TCP11: variants seen among roughly 807,000 people sequenced by gnomAD.
The protein encoded by TCP11 is t-complex 11, also known as T-complex protein 11 homolog.
Under a neutral mutation model 45.0 loss-of-function variants are expected in TCP11, and 34 were observed. That is an observed-to-expected ratio of 0.76 (90% CI 0.57 to 1.01). The LOEUF (loss-of-function observed/expected upper bound fraction) is 1.01. TCP11 is among the 50% of genes least tolerant of loss of function. The probability of loss-of-function intolerance (pLI) is 0.00; values close to 1 mark genes in which losing one functional copy is unlikely to be tolerated. For missense variants in TCP11, 523 were observed against 598.1 expected (o/e 0.87, Z 1.31); for synonymous variants, 227 against 227.0 (o/e 1.00, Z 0.00).
chr6:35,132,095 T>A (rs1393496831), intron 3 of TCP11, among the ~76,000 whole-genome samples: 2 of 152,268 alleles, frequency 1.3e-5, no homozygotes, highest in East Asian at 3.8e-4. Flanking sequence ...AAATGGCTTA[T>A]GTTACCTTAT....
chr6:35,131,692 T>A (rs765703735), intron 3 of TCP11, among the ~76,000 whole-genome samples: 1 of 152,084 alleles, frequency 6.6e-6, no homozygotes, highest in Non-Finnish European at 1.5e-5. Context: ...CGGAACAGGG[T>A]CCATACTGTA....
At chr6:35,119,445 C>A (rs926695508) in intron 8 of TCP11, 54 bp from the exon 9 acceptor site, 1 of 1,591,758 alleles carries the variant, frequency 6.3e-7, no homozygotes. Context: ...TGGCATAGGC[C>A]CAGGGCCCAG....
At chr6:35,135,184 G>C (rs993095675) in intron 3 of TCP11, among the ~76,000 whole-genome samples, 1 of 151,454 alleles carries the variant, frequency 6.6e-6, no homozygotes, top group African/African-American at 2.4e-5. Flanking sequence ...GAAACAATGG[G>C]ATGTCACTTC....
chr6:35,130,602 G>A (rs1180861482), intron 3 of TCP11, among the ~76,000 whole-genome samples: 2 of 151,762 alleles, frequency 1.3e-5, no homozygotes, highest in Non-Finnish European at 2.9e-5. Context: ...ATGAGAAGAC[G>A]CTCAACATCA....
At position 35,120,326 on chromosome 6, in the gene TCP11, G is replaced by C; in HGVS notation, c.948C>G (p.Asp316Glu). Reference protein sequence around the residue: ...NEEFPETLLMDRTRLQELKSQ... With the variant: ...NEEFPETLLMERTRLQELKSQ... The stretch of plus-strand genomic sequence containing the variant: ...ACTTCAGCTCCTGCAGCCGGGTTCT[G>C]TCCATCAGCAGGGTCTGGGAACCAG... The change falls in exon 8 of 10, where the codon GAC (aspartate) becomes GAG (glutamate). Residue 316 changes from aspartate to glutamate, a missense_variant. Physicochemically the swap from Asp to Glu is conservative, Grantham distance 45 (BLOSUM62 2). Transcript: ENST00000311875. This position sits in a 1 kb window ranked among gnomAD's most constrained non-coding sequence, Gnocchi z 4.9. 6.2e-7 allele frequency: 1 copy of C among 1,613,834 alleles called. No individual in the cohort carries two copies. Among genetic ancestry groups the C allele is most frequent in the South Asian group, 1.1e-5 (1 of 91,036 alleles).
At position 35,136,105 on chromosome 6, in the gene TCP11, A is replaced by AC; in HGVS notation, c.236+1dup. ...ACATGAAGAAAGAAGAAGAGTCTAT[A>AC]CCTGCTTGGAGGTAAAACCTTCTCT... On this transcript the variant is annotated splice_donor_variant, in intron 3 of 9. Coordinates refer to ENST00000311875, the MANE Select transcript of TCP11 (RefSeq NM_001370687.1). LOFTEE classifies it high-confidence loss of function. 1 of 1,612,192 alleles carries AC rather than the reference A, an allele frequency of 6.2e-7. No individual in the cohort carries two copies. The highest frequency in any genetic ancestry group is 1.7e-5 in the Admixed American group (1 of 59,958).
At chr6:35,130,404 G>C (rs1244634326) in intron 3 of TCP11, among the ~76,000 whole-genome samples, 2 of 151,696 alleles carry the variant, frequency 1.3e-5, no homozygotes, top group Non-Finnish European at 2.9e-5. Context: ...ACTGTTAAGA[G>C]AACAAAAAAA....
intron 3 of TCP11, among the ~76,000 whole-genome samples, chr6:35,130,649 A>G (rs1780320258): frequency 6.6e-6 from 1 of 152,102 alleles, no homozygotes; most frequent in Admixed American, 6.5e-5. Flanking sequence ...AACAACAAAA[A>G]GAAAAAAAAA....
In TCP11 at chr6:35,139,967, G is replaced by C. The variant is rs1035784593; in HGVS notation, c.124+780C>G. On this transcript the variant is annotated intron_variant, in intron 2 of 9. Coordinates refer to ENST00000311875, the MANE Select transcript of TCP11 (RefSeq NM_001370687.1). ...TTTTATATATGGACTCATTTAAATA[G>C]ACACCTCAAAAACTTAAATTGTGTG... is the stretch of plus-strand genomic sequence containing the variant. The C allele has an allele frequency of 7.6e-6, 12 of 1,573,004 alleles. No individual in the cohort carries two copies. In the African/African-American group the frequency reaches 1.4e-4, roughly 18 times the overall value.
intron 4 of TCP11, among the ~76,000 whole-genome samples, chr6:35,124,468 T>C (rs1779610591): frequency 6.6e-6 from 1 of 152,222 alleles, no homozygotes; most frequent in Non-Finnish European, 1.5e-5. Context: ...TCTTGGGCCT[T>C]GGTAGAAAGT....
At chr6:35,139,251 C>T (rs143909808) in intron 2 of TCP11, among the ~76,000 whole-genome samples, 68 of 150,638 alleles carry the variant, frequency 4.5e-4, no homozygotes, top group African/African-American at 1.5e-3. Context: ...GAAGTCAAGA[C>T]GTTGCAATTT....
At chr6:35,133,094 T>A (rs1780634416) in intron 3 of TCP11, among the ~76,000 whole-genome samples, 1 of 152,248 alleles carries the variant, frequency 6.6e-6, no homozygotes, top group Non-Finnish European at 1.5e-5. Context: ...CGAGTTGTTA[T>A]TATTTGTCTT....
chr6:35,137,719 C>T (rs183867558), intron 2 of TCP11: 651 of 449,662 alleles, frequency 1.4e-3, no homozygotes, highest in Non-Finnish European at 1.8e-3. Flanking sequence ...AAAATGCAGC[C>T]GTATACAATA....
chr6:35,139,253 T>C (rs187289780), intron 2 of TCP11, among the ~76,000 whole-genome samples: 45 of 150,532 alleles, frequency 3.0e-4, no homozygotes, highest in African/African-American at 1.1e-3. Context: ...AGTCAAGACG[T>C]TGCAATTTTA....
chr6:35,141,306 C>A lies in TCP11; in HGVS notation c.-116G>T. 2.3e-6 allele frequency: 3 copies of A among 1,279,690 alleles called. No individual in the cohort carries two copies. The highest frequency in any genetic ancestry group is 2.0e-6 in the Non-Finnish European group (2 of 1,011,176). The allele number at this position is 1,279,690 out of a possible 1,614,324, so 79.3% of individuals were successfully genotyped here. On this transcript the variant is annotated 5_prime_UTR_variant, in exon 1 of 10. Coordinates refer to ENST00000311875, the MANE Select transcript of TCP11 (RefSeq NM_001370687.1). ...ACCGCGGCGGAGCGGCGGGTTGGGG[C>A]GTCGCACGGTGAGAAAGGCCGGGGC...
intron 3 of TCP11, among the ~76,000 whole-genome samples, chr6:35,135,042 G>A (rs900695985): frequency 6.6e-6 from 1 of 152,100 alleles, no homozygotes; most frequent in East Asian, 1.9e-4. Context: ...AGCTACTTGG[G>A]AGGCTGAGGC....
intron 4 of TCP11, chr6:35,128,755 C>T: frequency 4.1e-6 from 1 of 243,862 alleles, no homozygotes; most frequent in South Asian, 5.9e-5. Context: ...ATAGCTATGC[C>T]CTCTCAAATG....
Position 35,140,754 on chromosome 6 carries a change from G to T in TCP11, c.117C>A (p.Pro39=). The part of the protein sequence containing the change: ...PQEDKSGSED[P]PPFLSVTGLT... ...CTGCCGAGCTGGACCTACAGGGAGG[G>T]GGGTCCTCGGAGCCGCTCTTGTCTT... The change falls in exon 2 of 10, where the codon CCC becomes CCA. Residue 39 remains proline, a synonymous_variant. Transcript: ENST00000311875. 6.5e-7 allele frequency: 1 copy of T among 1,527,650 alleles called. No homozygotes were observed. Among genetic ancestry groups the T allele is most frequent in the African/African-American group, 1.4e-5 (1 of 71,926 alleles). The allele number at this position is 1,527,650 out of a possible 1,614,324, so 94.6% of individuals were successfully genotyped here. A position where few individuals can be genotyped will look rare whatever the true frequency, so the allele number is the denominator to read the frequency against.
At position 35,140,575 on chromosome 6, in the gene TCP11, T is replaced by A. The variant is rs182440153; in HGVS notation, c.124+172A>T. 611 of 685,316 alleles carry A rather than the reference T, an allele frequency of 8.9e-4. 1 individual carries two copies. In the African/African-American group the frequency reaches 9.5e-3, roughly 11 times the overall value. 42.5% of individuals were successfully genotyped at this position (685,316 alleles called of 1,614,324 possible). A position where few individuals can be genotyped will look rare whatever the true frequency, so the allele number is the denominator to read the frequency against. ...CTTCTTTCTCTAGAACCAAAAACTC[T>A]TTGAAGACCTCTGCCCTCGGGCCTG... On this transcript the variant is annotated intron_variant, in intron 2 of 9. Transcript: ENST00000311875.
Sources: allele counts gnomAD v4.1 joint callset (sites outside exome capture counted in the v4.1 genomes callset), GRCh38; gene constraint gnomAD v4.1.1; non-coding constraint Gnocchi (gnomAD v3.1); transcripts MANE v1.5; gene names NCBI Gene and HGNC (gene_info 2026-07-23, HGNC 2026-07-21).